Variants in APP observed in about 807,000 individuals in gnomAD.
APP encodes the protein amyloid beta precursor protein.
APP carries 31 observed loss-of-function variants against 101.4 expected under a neutral mutation model. That is an observed-to-expected ratio of 0.31 (90% CI 0.23 to 0.41). The LOEUF (loss-of-function observed/expected upper bound fraction) is 0.41, where lower values mean the gene tolerates loss of function less well. APP is among the 10% of genes least tolerant of loss of function. The pLI is 1.00. For missense variants in APP, 839 were observed against 1,003.7 expected (o/e 0.84, Z 2.22); for synonymous variants, 366 against 364.4 (o/e 1.00, Z -0.05).
At chr21:26,155,192 A>G (rs1414236642) in intron 1 of APP, among the ~76,000 whole-genome samples, 3 of 152,208 alleles carry the variant, frequency 2.0e-5, no homozygotes, top group Non-Finnish European at 4.4e-5. Flanking sequence ...TGGAGGTTGC[A>G]ATGAGCCAAG....
intron 1 of APP, among the ~76,000 whole-genome samples, chr21:26,152,248 G>A (rs1323095715): frequency 8.2e-6 from 1 of 122,142 alleles, no homozygotes; most frequent in Non-Finnish European, 1.6e-5. Flanking sequence ...TCGCGCCACT[G>A]CACTCCAGTC....
intron 3 of APP, 21 bp downstream of exon 3, chr21:26,089,922 C>T (rs2061786736): frequency 2.5e-6 from 4 of 1,613,742 alleles, no homozygotes; most frequent in East Asian, 2.2e-5. Context: ...TCAACACCAG[C>T]CCCACGGCCG....
intron 3 of APP, among the ~76,000 whole-genome samples, chr21:26,062,230 A>ACACAC (rs57087990): frequency 0.02 from 2,942 of 145,070 alleles, 41 homozygotes; most frequent in East Asian, 0.035. Flanking sequence ...CAAACAAACA[A>ACACAC]ACACACACAC....
intron 1 of APP, chr21:26,169,383 G>A (rs2063689141): frequency 6.6e-6 from 1 of 152,616 alleles, no homozygotes; most frequent in South Asian, 2.1e-4. Flanking sequence ...GTGCCCCCAG[G>A]GGAACTAAAC....
intron 1 of APP, among the ~76,000 whole-genome samples, chr21:26,143,226 T>C (rs563941660): frequency 1.3e-5 from 2 of 152,318 alleles, no homozygotes; most frequent in South Asian, 4.1e-4. Context: ...ATAATCCTAA[T>C]ATGTCGGGAG....
chr21:26,120,605 G>C (rs1040806158), intron 1 of APP, among the ~76,000 whole-genome samples: 3 of 152,044 alleles, frequency 2.0e-5, no homozygotes, highest in African/African-American at 7.2e-5. Flanking sequence ...TTAAGGAGAT[G>C]GTAATCAATC....
At chr21:25,982,764 G>A (rs2042483740) in intron 8 of APP, among the ~76,000 whole-genome samples, 1 of 152,104 alleles carries the variant, frequency 6.6e-6, no homozygotes, top group Non-Finnish European at 1.5e-5. Flanking sequence ...CATGCAAAGA[G>A]CAAAAACAGT....
intron 11 of APP, among the ~76,000 whole-genome samples, chr21:25,966,163 T>G (rs1323754084): frequency 3.3e-5 from 5 of 152,204 alleles, no homozygotes; most frequent in Admixed American, 6.5e-5. Flanking sequence ...TTTATCGAAC[T>G]TGGTAAACAT....
chr21:26,129,229 T>C (rs918773609), intron 1 of APP, among the ~76,000 whole-genome samples: 20 of 152,094 alleles, frequency 1.3e-4, no homozygotes, highest in Non-Finnish European at 1.5e-4. Flanking sequence ...TCCCAGCACT[T>C]TGGGAAGCCG....
intron 5 of APP, among the ~76,000 whole-genome samples, chr21:26,027,338 A>G (rs1029599286): frequency 6.6e-6 from 1 of 152,222 alleles, no homozygotes; most frequent in African/African-American, 2.4e-5. Context: ...TTTTTCAAGA[A>G]GATAAACAGA....
chr21:26,170,176 C>G (rs1380837386), intron 1 of APP, among the ~76,000 whole-genome samples: 1 of 152,228 alleles, frequency 6.6e-6, no homozygotes, highest in East Asian at 1.9e-4. Context: ...TTTAGGGACG[C>G]TGCGTTTTCG....
intron 1 of APP, among the ~76,000 whole-genome samples, chr21:26,125,342 A>G (rs1189318958): frequency 6.6e-6 from 1 of 152,198 alleles, no homozygotes; most frequent in Non-Finnish European, 1.5e-5. Context: ...TGATTGGTAT[A>G]AAGACAACTC....
At chr21:25,911,441 T>C (rs2039064283) in intron 14 of APP, among the ~76,000 whole-genome samples, 1 of 152,226 alleles carries the variant, frequency 6.6e-6, no homozygotes, top group South Asian at 2.1e-4. Flanking sequence ...ATGTAAATCA[T>C]TACCATTTTG....
chr21:25,959,457 TTAAAAACAAAGA>T (rs1433181239), intron 11 of APP, among the ~76,000 whole-genome samples: 3 of 152,108 alleles, frequency 2.0e-5, no homozygotes, highest in African/African-American at 7.2e-5. Flanking sequence ...AAAAACAAAG[TTAAAAACAAAGA>T]AATAAGTGCA....
At chr21:26,109,947 AT>A (rs1444880896) in intron 2 of APP, among the ~76,000 whole-genome samples, 1 of 152,236 alleles carries the variant, frequency 6.6e-6, no homozygotes, top group Non-Finnish European at 1.5e-5. Flanking sequence ...TATCAAAAAA[AT>A]GGTATCAAAA....
At chr21:25,995,225 T>C (rs1235848671) in intron 8 of APP, among the ~76,000 whole-genome samples, 1 of 152,170 alleles carries the variant, frequency 6.6e-6, no homozygotes, top group African/African-American at 2.4e-5. Context: ...AATGCTAAAA[T>C]GAAACAAGAG....
intron 1 of APP, among the ~76,000 whole-genome samples, chr21:26,159,511 A>G (rs1171146993): frequency 6.6e-6 from 1 of 152,218 alleles, no homozygotes; most frequent in African/African-American, 2.4e-5. Flanking sequence ...TCAGCTAAAC[A>G]TTCTGCATTA....
At chr21:25,996,290 G>C (rs1159703627) in intron 8 of APP, among the ~76,000 whole-genome samples, 1 of 152,170 alleles carries the variant, frequency 6.6e-6, no homozygotes, top group Non-Finnish European at 1.5e-5. Context: ...TGCCTTCTGG[G>C]AGAGGAGAAA....
chr21:25,982,328 G>A lies in APP; in HGVS notation c.1224+16C>T, dbSNP rs199585064. On this transcript the variant is annotated intron_variant, in intron 9 of 17. Coordinates refer to ENST00000346798, the MANE Select transcript of APP (RefSeq NM_000484.4). ...CCCAATATCGTAGGGCTGAATGATG[G>A]AAGAGCCAGACTTACCTGGGACATT... is the stretch of plus-strand genomic sequence containing the variant. 2.3e-5 allele frequency: 37 copies of A among 1,613,518 alleles called. No individual in the cohort carries two copies. In the African/African-American group the frequency reaches 4.8e-4, roughly 21 times the overall value.
Sources: gnomAD v4.1 joint callset for allele counts (sites outside exome capture counted in the v4.1 genomes callset) on GRCh38, gnomAD v4.1.1 for gene constraint, MANE v1.5 for transcripts, NCBI Gene and HGNC (gene_info 2026-07-23, HGNC 2026-07-21) for gene names.